CIT: variants seen among roughly 807,000 people sequenced by gnomAD.
The protein encoded by CIT is citron Rho-interacting kinase.
In CIT, 79 loss-of-function variants were observed where a neutral mutation model predicts 272.7. The ratio of observed to expected loss-of-function variants is 0.29; its 90% CI spans 0.24 to 0.35. The LOEUF (loss-of-function observed/expected upper bound fraction) is 0.35, where lower values mean the gene tolerates loss of function less well. Ranked by LOEUF, CIT falls within the 10% of genes least tolerant of loss-of-function variation. The pLI is 1.00. For synonymous variants in CIT, 948 were observed against 995.6 expected (o/e 0.95, Z 0.90); for missense variants, 1,909 against 2,618.3 (o/e 0.73, Z 5.91).
In CIT at chr12:119,704,044, C is replaced by CT. The variant is rs961439149; in HGVS notation, c.5304+318dup. 4.2e-3 allele frequency among the ~76,000 whole-genome samples: 633 copies of CT among 150,030 alleles called. 3 individuals are homozygous for CT. The highest frequency in any genetic ancestry group is 8.0e-3 in the Admixed American group (121 of 15,066). The stretch of plus-strand genomic sequence containing the variant: ...GCTAGGATCTTAGAAAGAGCCCCCC[C>CT]TTTTTTTTTTCCACTGGTTTTTCCT... On this transcript the variant is annotated intron_variant, in intron 41 of 47. Coordinates refer to ENST00000392521, the MANE Select transcript of CIT (RefSeq NM_001206999.2).
chr12:119,873,562 G>A (rs1324945462), intron 2 of CIT, among the ~76,000 whole-genome samples: 3 of 152,092 alleles, frequency 2.0e-5, no homozygotes, highest in East Asian at 1.9e-4. Context: ...TTACAGGCGT[G>A]AGCCACCACG....
At chr12:119,873,066 G>C (rs994152172) in intron 2 of CIT, among the ~76,000 whole-genome samples, 1 of 151,232 alleles carries the variant, frequency 6.6e-6, no homozygotes, top group Non-Finnish European at 1.5e-5. Context: ...CCAAAGTACT[G>C]GGATTACAGG....
In CIT at chr12:119,713,507, C is replaced by T. The variant is rs1431187447; in HGVS notation, c.4448G>A (p.Ser1483Asn). ...CCACCCTTCCAGGTGCAAGCTGCTG[C>T]TGGGCTCCTTGGTCTGGAGACCTGG... ...NSPGLQTKEP[S>N]SSLHLEGWMK... The change falls in exon 34 of 48, where the codon AGC (serine) becomes AAC (asparagine). Residue 1483 changes from serine (S) to asparagine (N), a missense_variant. Ser to Asn is a conservative substitution (Grantham distance 46). Transcript: ENST00000392521. The surrounding 1 kb of genome is among the most constrained non-coding windows in gnomAD (Gnocchi z 5.2). 2 of 1,614,204 alleles carry T rather than the reference C, an allele frequency of 1.2e-6. No homozygotes were observed. The highest frequency in any genetic ancestry group is 1.7e-6 in the Non-Finnish European group (2 of 1,180,026).
At chr12:119,857,884 A>C (rs900633515) in intron 3 of CIT, among the ~76,000 whole-genome samples, 186 bp from the exon 4 acceptor site, 3 of 152,222 alleles carry the variant, frequency 2.0e-5, no homozygotes, top group Non-Finnish European at 4.4e-5. Context: ...GTTAAGTTAA[A>C]ATTAAGGGCT....
chr12:119,858,099 A>T (rs376258892), intron 3 of CIT, among the ~76,000 whole-genome samples: 1 of 152,306 alleles, frequency 6.6e-6, no homozygotes, highest in East Asian at 1.9e-4. Flanking sequence ...CCAACTTGGG[A>T]CCTGGTTTCC....
In CIT at chr12:119,734,221, T is replaced by C. The variant is rs1822670409; in HGVS notation, c.3293A>G (p.Gln1098Arg). The C allele has an allele frequency of 6.2e-7, 1 of 1,613,838 alleles. No homozygotes were observed. Among genetic ancestry groups the C allele is most frequent in the Non-Finnish European group, 8.5e-7 (1 of 1,179,968 alleles). Residue 1098 changes from glutamine (Q) to arginine (R), a missense_variant, in exon 26 of 48, where the codon CAG (glutamine) becomes CGG (arginine). Physicochemically the swap from Gln to Arg is conservative, Grantham distance 43. This residue lies in a region of CIT where 530 missense variants were observed against 822.4 expected (regional missense o/e 0.64). Transcript: ENST00000392521. ...CAGCTCTCGAACCCGACACTCAAAC[T>C]GGGATTTCTCATCACCCAGGACGCT... The part of the protein sequence containing the change: ...WRSVLGDEKS[Q>R]FECRVRELQR...
At chr12:119,771,804 G>A (rs1044463623) in intron 17 of CIT, among the ~76,000 whole-genome samples, 3 of 152,146 alleles carry the variant, frequency 2.0e-5, no homozygotes, top group Non-Finnish European at 4.4e-5. Context: ...AACAGGAGAC[G>A]TATGGCTGCA....
At chr12:119,861,093 C>G (rs1950321825) in intron 3 of CIT, among the ~76,000 whole-genome samples, 1 of 151,780 alleles carries the variant, frequency 6.6e-6, no homozygotes, top group Admixed American at 6.6e-5. Flanking sequence ...TGCACTCCAG[C>G]CTAGGGGATA....
chr12:119,864,596 A>G (rs1950463051), intron 3 of CIT, among the ~76,000 whole-genome samples: 1 of 152,274 alleles, frequency 6.6e-6, no homozygotes, highest in South Asian at 2.1e-4. Context: ...TCGGCCTCCC[A>G]GTGCTGGGAT....
chr12:119,854,779 C>G (rs906053881), intron 4 of CIT, among the ~76,000 whole-genome samples: 6 of 151,782 alleles, frequency 4.0e-5, no homozygotes, highest in South Asian at 4.2e-4. Flanking sequence ...TGAAACCCCC[C>G]CTCTGCACTA....
At chr12:119,743,426 T>C (rs983273736) in intron 23 of CIT, among the ~76,000 whole-genome samples, 8 of 152,276 alleles carry the variant, frequency 5.3e-5, no homozygotes, top group Admixed American at 3.3e-4. Context: ...GTGCATTTGA[T>C]GAACAACAAC....
intron 4 of CIT, among the ~76,000 whole-genome samples, chr12:119,853,246 G>C (rs1285308800): frequency 6.6e-6 from 1 of 150,416 alleles, no homozygotes; most frequent in Non-Finnish European, 1.5e-5. Context: ...CAGGAGAATT[G>C]TTTGAAGGCA....
At chr12:119,861,595 A>G (rs897039526) in intron 3 of CIT, among the ~76,000 whole-genome samples, 7 of 152,148 alleles carry the variant, frequency 4.6e-5, no homozygotes, top group African/African-American at 9.7e-5. Context: ...CTCAAAAAAA[A>G]AAAAGAAAAG....
Position 119,718,445 on chromosome 12 carries a change from T to G in CIT, c.4004-36A>C. On this transcript the variant is annotated intron_variant, in intron 31 of 47. Coordinates refer to ENST00000392521, the MANE Select transcript of CIT (RefSeq NM_001206999.2). This position sits in a 1 kb window ranked among gnomAD's most constrained non-coding sequence, Gnocchi z 4.8. ...ACCAGGACAATGCCTTTTGGTTAGC[T>G]GGGTCGCCTAGAGGACCAAACTAAG... The G allele has an allele frequency of 1.3e-6, 2 of 1,578,540 alleles. No individual in the cohort carries two copies. The highest frequency in any genetic ancestry group is 2.1e-4 in the Middle Eastern group (1 of 4,664).
chr12:119,764,259 A>G (rs1313881369), intron 19 of CIT, among the ~76,000 whole-genome samples: 1 of 152,246 alleles, frequency 6.6e-6, no homozygotes, highest in African/African-American at 2.4e-5. Context: ...ACCTTCAAAT[A>G]CTTCACATAG....
intron 24 of CIT, among the ~76,000 whole-genome samples, chr12:119,738,067 A>T (rs1958873527): frequency 6.6e-6 from 1 of 152,180 alleles, no homozygotes. Context: ...TTTCTATTTT[A>T]TAGATGGGGA....
intron 10 of CIT, 146 bp from the exon 11 acceptor site, chr12:119,785,211 G>A (rs974625306): frequency 3.1e-5 from 26 of 840,970 alleles, no homozygotes; most frequent in Non-Finnish European, 4.6e-5. Flanking sequence ...GTTTCCCAAA[G>A]ATGCCCATGT....
chr12:119,734,334 C>A lies in CIT; in HGVS notation c.3180G>T (p.Thr1060=). 2 of 1,613,602 alleles carry A rather than the reference C, an allele frequency of 1.2e-6. No individual in the cohort carries two copies. Among genetic ancestry groups the A allele is most frequent in the Non-Finnish European group, 1.7e-6 (2 of 1,180,036 alleles). ...TGACCTGTTCCTCCAGCATGGTGCA[C>A]GTGGTCTTCAGAGCCTCCATCGTCT... The part of the protein sequence containing the change: ...QKQTMEALKT[T]CTMLEEQVMD... The change falls in exon 26 of 48, where the codon ACG becomes ACT. Residue 1060 remains threonine (T), a synonymous_variant. Transcript: ENST00000392521.
chr12:119,818,236 C>T (rs754667171), intron 9 of CIT, among the ~76,000 whole-genome samples: 1 of 152,098 alleles, frequency 6.6e-6, no homozygotes, highest in Non-Finnish European at 1.5e-5. Flanking sequence ...GTGTAATATA[C>T]TTGAATGCCT....
Sources: allele counts gnomAD v4.1 joint callset (sites outside exome capture counted in the v4.1 genomes callset), GRCh38; gene constraint gnomAD v4.1.1; regional missense constraint gnomAD v4.1.1; non-coding constraint Gnocchi (gnomAD v3.1); transcripts MANE v1.5; gene names NCBI Gene and HGNC (gene_info 2026-07-23, HGNC 2026-07-21).